The following RBFOX1 variants were observed in gnomAD, a reference collection of about 807,000 sequenced individuals.
RBFOX1 encodes RNA binding protein fox-1 homolog 1.
A neutral mutation model predicts 57.7 loss-of-function variants in RBFOX1; 8 were observed. The ratio of observed to expected loss-of-function variants is 0.14; its 90% CI spans 0.08 to 0.25. The LOEUF is 0.25. Among genes scored for constraint, RBFOX1 ranks in the 10% least tolerant of loss-of-function variants. RBFOX1 has a pLI of 1.00. For missense variants in RBFOX1, 611 were observed against 548.5 expected, an observed-to-expected ratio of 1.11 and a Z score of -1.14; for synonymous variants, 326 against 222.4, an observed-to-expected ratio of 1.47 and a Z score of -4.15.
intron 1 of RBFOX1, among the ~76,000 whole-genome samples, chr16:5,379,867 G>T (rs1227777623): frequency 6.6e-6 from 1 of 152,164 alleles, no homozygotes; most frequent in Non-Finnish European, 1.5e-5. Context: ...TCTCTTCTGG[G>T]TCATTTTTTA....
intron 1 of RBFOX1, among the ~76,000 whole-genome samples, chr16:6,136,597 T>C (rs1240070276): frequency 6.6e-6 from 1 of 152,198 alleles, no homozygotes; most frequent in Non-Finnish European, 1.5e-5. Context: ...ACTAATTTAA[T>C]GTAAATTATA....
intron 2 of RBFOX1, among the ~76,000 whole-genome samples, chr16:6,361,787 A>G (rs964439349): frequency 6.6e-6 from 1 of 152,148 alleles, no homozygotes; most frequent in Non-Finnish European, 1.5e-5. Flanking sequence ...ATTTCCCCAG[A>G]TATTTCTTAT....
At chr16:6,367,129 T>G (rs552489492) in intron 2 of RBFOX1, among the ~76,000 whole-genome samples, 1 of 152,294 alleles carries the variant, frequency 6.6e-6, no homozygotes, top group Admixed American at 6.5e-5. Flanking sequence ...GTGATAAAAC[T>G]AGGGCAAAAT....
At chr16:7,250,279 G>C (rs976361192) in intron 4 of RBFOX1, among the ~76,000 whole-genome samples, 3 of 152,222 alleles carry the variant, frequency 2.0e-5, no homozygotes, top group Non-Finnish European at 4.4e-5. Context: ...ACACTGAAGA[G>C]TAAAACAAAT....
chr16:7,303,502 C>T (rs1444606910), intron 4 of RBFOX1, among the ~76,000 whole-genome samples: 2 of 152,302 alleles, frequency 1.3e-5, no homozygotes, highest in South Asian at 2.1e-4. Flanking sequence ...GGCGCTCGCT[C>T]GCCTGCTCAC....
intron 3 of RBFOX1, among the ~76,000 whole-genome samples, chr16:6,971,528 A>C (rs1409340724): frequency 1.4e-5 from 2 of 141,322 alleles, no homozygotes; most frequent in South Asian, 2.3e-4. Context: ...GTGTGTGTGT[A>C]CCACTGGAGA....
rs542802659 is a variant in RBFOX1 at position 7,581,093 on chromosome 16, A to T, written c.414+1173A>T. 7.9e-5 allele frequency among the ~76,000 whole-genome samples: 12 copies of T among 152,154 alleles called. No individual in the cohort carries two copies. In the South Asian group the frequency reaches 2.5e-3, roughly 32 times the overall value. On this transcript the variant is annotated intron_variant, in intron 6 of 15. Transcript: ENST00000550418. ...AGCTTGCACCTTTTACTTCTTATACACACGTGATGCTTATCAAGTATGCAT... is the reference window on the plus strand; with the variant it reads ...AGCTTGCACCTTTTACTTCTTATACTCACGTGATGCTTATCAAGTATGCAT...
chr16:5,893,703 G>A (rs1486043522), intron 4 of RBFOX1, among the ~76,000 whole-genome samples: 2 of 151,996 alleles, frequency 1.3e-5, no homozygotes, highest in African/African-American at 4.8e-5. Flanking sequence ...TTGCTATGGA[G>A]GCTGAGACAT....
chr16:6,815,007 C>G (rs180989962), intron 3 of RBFOX1, among the ~76,000 whole-genome samples: 2 of 152,152 alleles, frequency 1.3e-5, no homozygotes, highest in Non-Finnish European at 2.9e-5. Flanking sequence ...TCATCCTTAT[C>G]ATTACTTCTT....
chr16:6,532,512 A>G (rs560570521), intron 2 of RBFOX1, among the ~76,000 whole-genome samples: 1 of 152,250 alleles, frequency 6.6e-6, no homozygotes, highest in African/African-American at 2.4e-5. Flanking sequence ...TGTTTCTATT[A>G]GGGCTGTGCT....
chr16:7,427,577 C>T (rs968808804), intron 4 of RBFOX1, among the ~76,000 whole-genome samples: 1 of 152,012 alleles, frequency 6.6e-6, no homozygotes, highest in Non-Finnish European at 1.5e-5. Flanking sequence ...CCTTCCCTTG[C>T]CCAAGCTAAT....
intron 3 of RBFOX1, among the ~76,000 whole-genome samples, chr16:5,607,386 C>T (rs547093677): frequency 6.7e-6 from 1 of 148,738 alleles, no homozygotes; most frequent in Admixed American, 6.6e-5. Flanking sequence ...GCACTCTTGA[C>T]CTCAGGCACA....
chr16:5,281,661 C>T (rs913071650), intron 1 of RBFOX1, among the ~76,000 whole-genome samples: 1 of 152,074 alleles, frequency 6.6e-6, no homozygotes, highest in Non-Finnish European at 1.5e-5. Flanking sequence ...TGAATTGATC[C>T]CTTTATTACC....
intron 4 of RBFOX1, among the ~76,000 whole-genome samples, chr16:7,150,562 A>C (rs899305): frequency 2.0e-5 from 3 of 151,954 alleles, no homozygotes; most frequent in Admixed American, 2.0e-4. Context: ...CTCTTAACAG[A>C]TATTTTCTCT....
intron 3 of RBFOX1, among the ~76,000 whole-genome samples, chr16:6,824,782 G>A (rs2091883511): frequency 6.6e-6 from 1 of 151,700 alleles, no homozygotes; most frequent in African/African-American, 2.4e-5. Flanking sequence ...ACATTTAAAA[G>A]GAATTAAATA....
At chr16:7,266,727 A>G (rs1441813282) in intron 4 of RBFOX1, among the ~76,000 whole-genome samples, 1 of 152,236 alleles carries the variant, frequency 6.6e-6, no homozygotes, top group Non-Finnish European at 1.5e-5. Context: ...TAAAAAAGTA[A>G]GCAAAAAGTA....
At chr16:5,738,889 G>T (rs770766810) in intron 3 of RBFOX1, among the ~76,000 whole-genome samples, 2 of 152,120 alleles carry the variant, frequency 1.3e-5, no homozygotes, top group African/African-American at 2.4e-5. Flanking sequence ...CAACATTGAT[G>T]CAAACAACCA....
intron 4 of RBFOX1, among the ~76,000 whole-genome samples, chr16:7,507,541 A>G (rs1382161396): frequency 6.8e-6 from 1 of 148,008 alleles, no homozygotes; most frequent in Non-Finnish European, 1.5e-5. Flanking sequence ...AGGCCTTGGA[A>G]CGTGATTTTT....
chr16:6,574,522 G>A (rs2097396618), intron 2 of RBFOX1, among the ~76,000 whole-genome samples: 1 of 145,264 alleles, frequency 6.9e-6, no homozygotes, highest in African/African-American at 2.5e-5. Context: ...TCCGCTTCCA[G>A]GGTTCACGCC....
Sources: gnomAD v4.1 joint callset for allele counts (sites outside exome capture counted in the v4.1 genomes callset) on GRCh38, gnomAD v4.1.1 for gene constraint, MANE v1.5 for transcripts, NCBI Gene and HGNC (gene_info 2026-07-23, HGNC 2026-07-21) for gene names.